The following SLC71A1 variants were observed in gnomAD, a reference collection of about 807,000 sequenced individuals.
The protein encoded by SLC71A1 is hippocampus abundant gene transcript 1.
At chr1:100,066,786 G>A in the SLC71A1 span, among the ~76,000 whole-genome samples, 4 of 151,886 alleles carry the variant, frequency 2.6e-5, no homozygotes, top group African/African-American at 4.8e-5. Flanking sequence ...TCAGGAGATC[G>A]AGACCATCTT....
the SLC71A1 span, among the ~76,000 whole-genome samples, chr1:100,052,768 C>CT: frequency 0.097 from 14,075 of 144,928 alleles, 1,185 homozygotes; most frequent in African/African-American, 0.23. Flanking sequence ...TTTTCTTTTT[C>CT]TTTTTTTTTT....
chr1:100,080,708 T>G, the SLC71A1 span: 1 of 1,511,760 alleles, frequency 6.6e-7, no homozygotes, highest in African/African-American at 1.4e-5. Context: ...TTGGCTAGAT[T>G]AAAGGCTACT....
the SLC71A1 span, among the ~76,000 whole-genome samples, chr1:100,054,266 T>C: frequency 6.6e-6 from 1 of 152,038 alleles, no homozygotes; most frequent in Middle Eastern, 3.2e-3. Flanking sequence ...TAGGCTGGAA[T>C]TCAGTGGCAC....
chr1:100,038,337 G>T, the SLC71A1 span: 1 of 1,550,252 alleles, frequency 6.5e-7, no homozygotes, highest in Non-Finnish European at 8.7e-7. Flanking sequence ...TTCCGCGCCG[G>T]CGAGCGTCCC....
At chr1:100,072,855 C>T in the SLC71A1 span, among the ~76,000 whole-genome samples, 2 of 152,140 alleles carry the variant, frequency 1.3e-5, no homozygotes, top group East Asian at 3.9e-4. Flanking sequence ...CAATATAGTT[C>T]TACACATTTC....
At chr1:100,073,663 G>T in the SLC71A1 span, among the ~76,000 whole-genome samples, 1 of 152,188 alleles carries the variant, frequency 6.6e-6, no homozygotes, top group Non-Finnish European at 1.5e-5. Context: ...CCATGAGAAG[G>T]TAGTCCGTGT....
chr1:100,079,261 A>G, the SLC71A1 span: 1 of 151,928 alleles, frequency 6.6e-6, no homozygotes, highest in African/African-American at 2.4e-5. Context: ...TAGGCAACAC[A>G]GCAAGACTCC....
At chr1:100,081,731 A>C in the SLC71A1 span, among the ~76,000 whole-genome samples, 1 of 152,190 alleles carries the variant, frequency 6.6e-6, no homozygotes, top group Non-Finnish European at 1.5e-5. Flanking sequence ...TAACAAATTA[A>C]TCATAGAATA....
At chr1:100,082,951 C>CAACA in the SLC71A1 span, 1 of 152,616 alleles carries the variant, frequency 6.6e-6, no homozygotes, top group East Asian at 1.9e-4. Context: ...ATAAGCACCT[C>CAACA]AACACTTGAA....
the SLC71A1 span, among the ~76,000 whole-genome samples, chr1:100,039,477 C>A: frequency 2.6e-5 from 4 of 152,044 alleles, no homozygotes; most frequent in Non-Finnish European, 5.9e-5. Context: ...TATGTAATGA[C>A]TTTGGAATAT....
the SLC71A1 span, among the ~76,000 whole-genome samples, chr1:100,076,286 A>C: frequency 6.6e-6 from 1 of 152,184 alleles, no homozygotes; most frequent in Non-Finnish European, 1.5e-5. Flanking sequence ...TGATTTCCTG[A>C]ATTATTTTTA....
At chr1:100,082,699 A>C in the SLC71A1 span, 1 of 152,840 alleles carries the variant, frequency 6.5e-6, no homozygotes. Context: ...AAACAAAGAA[A>C]TGGTAAATGA....
chr1:100,040,674 C>A, the SLC71A1 span, among the ~76,000 whole-genome samples: 1 of 152,148 alleles, frequency 6.6e-6, no homozygotes, highest in South Asian at 2.1e-4. Context: ...ATTGGTCAGG[C>A]TGGTCTTGAA....
At chr1:100,050,411 G>A in the SLC71A1 span, among the ~76,000 whole-genome samples, 3 of 152,102 alleles carry the variant, frequency 2.0e-5, no homozygotes, top group Admixed American at 6.6e-5. Context: ...ACCTAGAAGG[G>A]CTATTCTTTA....
the SLC71A1 span, among the ~76,000 whole-genome samples, chr1:100,052,308 AT>A: frequency 0.033 from 5,029 of 151,348 alleles, 305 homozygotes; most frequent in African/African-American, 0.11. Flanking sequence ...ATTTTGGTAC[AT>A]TTTTTTCCTA....
chr1:100,058,776 TAC>T, the SLC71A1 span: 1 of 966,198 alleles, frequency 1.0e-6, no homozygotes, highest in Non-Finnish European at 1.6e-6. Context: ...TACATACACA[TAC>T]ACGCACACGG....
chr1:100,067,971 T>C, the SLC71A1 span: 4,549 of 1,613,040 alleles, frequency 2.8e-3, 114 homozygotes, highest in African/African-American at 0.052. Context: ...CCTTAATTTA[T>C]TGCAGGTTTC....
chr1:100,061,755 CTTAA>C, the SLC71A1 span: 3 of 895,776 alleles, frequency 3.3e-6, no homozygotes, highest in Non-Finnish European at 3.7e-6. Context: ...TGCTCTTACG[CTTAA>C]TTAACTTATA....
chr1:100,060,464 G>A, the SLC71A1 span, among the ~76,000 whole-genome samples: 1 of 152,146 alleles, frequency 6.6e-6, no homozygotes, highest in Non-Finnish European at 1.5e-5. Context: ...GAGCAGTCTG[G>A]AGCTGGTATG....
Sources: gnomAD v4.1 joint callset for allele counts (sites outside exome capture counted in the v4.1 genomes callset) on GRCh38, gnomAD v4.1.1 for gene constraint, MANE v1.5 for transcripts, NCBI Gene and HGNC (gene_info 2026-07-23, HGNC 2026-07-21) for gene names.